The following KIF13B variants were observed in gnomAD, a reference collection of about 807,000 sequenced individuals.
KIF13B encodes the protein kinesin-like protein KIF13B.
KIF13B carries 127 observed loss-of-function variants against 222.0 expected under a neutral mutation model. The ratio of observed to expected loss-of-function variants is 0.57; its 90% confidence interval spans 0.50 to 0.66. The LOEUF (loss-of-function observed/expected upper bound fraction) is 0.66, where lower values mean the gene tolerates loss of function less well. Among genes scored for constraint, KIF13B ranks in the 30% least tolerant of loss-of-function variants. The pLI, the probability that KIF13B is intolerant of heterozygous loss-of-function variation, is 0.00. For missense variants in KIF13B, 2,173 were observed against 2,379.0 expected (o/e 0.91, Z 1.80); for synonymous variants, 976 against 919.0 (o/e 1.06, Z -1.12).
chr8:29,205,975 T>C (rs924429463), intron 2 of KIF13B, among the ~76,000 whole-genome samples: 19 of 151,420 alleles, frequency 1.3e-4, no homozygotes, highest in Non-Finnish European at 2.8e-4. Flanking sequence ...CTTGTGGTCC[T>C]CAATACTTGG....
Position 29,108,189 on chromosome 8 carries a change from A to C in KIF13B, c.4165T>G (p.Ser1389Ala). Residue 1389 changes from serine (S) to alanine (A), a missense_variant, in exon 35 of 40, where the codon TCT becomes GCT. By Grantham distance (99) the Ser-to-Ala change is moderately conservative. Around this residue, in one of 2 missense-constraint regions of KIF13B, gnomAD observed 693 missense variants for 656.2 expected, o/e 1.06. Transcript: ENST00000524189. Reference protein sequence around the residue: ...SISSPNVNRLSGSRQDLIPSY... With the variant: ...SISSPNVNRLAGSRQDLIPSY... ...GGAATGAGATCTTGTCGGCTTCCAG[A>C]CAACTGAAGAAGAAAGAAAGGGGGG... 1 of 1,612,142 alleles carries C rather than the reference A, an allele frequency of 6.2e-7. No homozygotes were observed. The highest frequency in any genetic ancestry group is 8.5e-7 in the Non-Finnish European group (1 of 1,179,110).
At chr8:29,079,805 C>A (rs1204483983) in intron 37 of KIF13B, among the ~76,000 whole-genome samples, 1 of 152,138 alleles carries the variant, frequency 6.6e-6, no homozygotes, top group Non-Finnish European at 1.5e-5. Context: ...CTAATACAAT[C>A]CTCTAAGTCT....
At chr8:29,118,776 A>T in intron 30 of KIF13B, 92 bp downstream of exon 30, 1 of 1,287,966 alleles carries the variant, frequency 7.8e-7, no homozygotes, top group Non-Finnish European at 1.1e-6. Context: ...AATGTAAAGT[A>T]CTGGCATGAT....
At chr8:29,144,533 C>T (rs770327003) in intron 18 of KIF13B, among the ~76,000 whole-genome samples, 2 of 152,168 alleles carry the variant, frequency 1.3e-5, no homozygotes, top group Non-Finnish European at 2.9e-5. Context: ...GCTGGGATTA[C>T]AGGCATGAGC....
intron 1 of KIF13B, among the ~76,000 whole-genome samples, chr8:29,261,925 T>C (rs1299374006): frequency 6.6e-6 from 1 of 152,178 alleles, no homozygotes; most frequent in African/African-American, 2.4e-5. Flanking sequence ...GAAAACAACC[T>C]ATAATTTCTA....
Position 29,140,693 on chromosome 8 carries a change from G to C in KIF13B, c.2335-76C>G, listed in dbSNP as rs1395905437. On this transcript the variant is annotated intron_variant, in intron 19 of 39. Transcript: ENST00000524189. Reference sequence around the variant, plus strand: ...TGCATTCAACCTACTGCTTTTTGATGCACTCTAGGTTATTAAACTTAACTT... The same window carrying C: ...TGCATTCAACCTACTGCTTTTTGATCCACTCTAGGTTATTAAACTTAACTT... 15 of 1,283,568 alleles carry C rather than the reference G, an allele frequency of 1.2e-5. No individual in the cohort carries two copies. The East Asian group carries it at 1.9e-4, about 16-fold the overall frequency. The allele number at this position is 1,283,568 out of a possible 1,614,324, so 79.5% of individuals were successfully genotyped here. A position where few individuals can be genotyped will look rare whatever the true frequency, so the allele number is the denominator to read the frequency against.
intron 2 of KIF13B, among the ~76,000 whole-genome samples, chr8:29,207,285 C>T (rs1481684634): frequency 6.6e-6 from 1 of 152,188 alleles, no homozygotes; most frequent in Non-Finnish European, 1.5e-5. Context: ...GTGCCTTTCC[C>T]ATTGTTTGCC....
chr8:29,196,790 CT>C (rs1813440789), intron 2 of KIF13B, among the ~76,000 whole-genome samples: 1 of 152,162 alleles, frequency 6.6e-6, no homozygotes, highest in Admixed American at 6.5e-5. Context: ...TTGCATTATG[CT>C]TAACAGTTGC....
At position 29,146,304 on chromosome 8, in the gene KIF13B, TAAATAACACCAGG is replaced by T. The variant is rs778459975; in HGVS notation, c.2187+61_2187+73del. On this transcript the variant is annotated intron_variant, in intron 18 of 39. Coordinates refer to ENST00000524189, the MANE Select transcript of KIF13B (RefSeq NM_015254.4). ...CAGGCACAGACAGGGATCTGAAGCT[TAAATAACACCAGG>T]AAATATCAGGCGATCTTATCCAATG... 3 of 1,506,858 alleles carry T rather than the reference TAAATAACACCAGG, an allele frequency of 2.0e-6. No homozygotes were observed. The Admixed American group carries it at 5.0e-5, about 25-fold the overall frequency. 93.3% of individuals were successfully genotyped at this position (1,506,858 alleles called of 1,614,324 possible).
intron 4 of KIF13B, 56 bp from the exon 5 acceptor site, chr8:29,188,663 A>G: frequency 9.0e-7 from 1 of 1,117,050 alleles, no homozygotes; most frequent in African/African-American, 1.6e-5. Flanking sequence ...CATATGAACA[A>G]TTCACAAAAC....
intron 35 of KIF13B, among the ~76,000 whole-genome samples, chr8:29,102,702 C>T (rs9987365): frequency 0.4 from 60,216 of 152,074 alleles, 13,118 homozygotes; most frequent in Non-Finnish European, 0.5. Flanking sequence ...GGTCCAATGG[C>T]AGCTTTCACT....
At chr8:29,143,309 G>A (rs1025611651) in intron 18 of KIF13B, among the ~76,000 whole-genome samples, 5 of 152,190 alleles carry the variant, frequency 3.3e-5, no homozygotes, top group African/African-American at 7.2e-5. Context: ...GGGAAGAAAC[G>A]TCCCTCTCAG....
chr8:29,117,883 C>T (rs990078853), intron 30 of KIF13B, among the ~76,000 whole-genome samples: 7 of 152,178 alleles, frequency 4.6e-5, no homozygotes, highest in African/African-American at 1.2e-4. Context: ...CCTGGCCAGG[C>T]GCGGTGGCTC....
chr8:29,258,850 T>C (rs1009562995), intron 1 of KIF13B, among the ~76,000 whole-genome samples: 31 of 152,332 alleles, frequency 2.0e-4, no homozygotes, highest in African/African-American at 7.0e-4. Context: ...TAATCTAATC[T>C]TTTCACAGGC....
At chr8:29,157,392 C>CAAAAAAA (rs371702237) in intron 13 of KIF13B, among the ~76,000 whole-genome samples, 1 of 89,186 alleles carries the variant, frequency 1.1e-5, no homozygotes, top group African/African-American at 4.4e-5. Context: ...TCGTCTCTAC[C>CAAAAAAA]AAAAAAAAAA....
At chr8:29,227,653 G>A (rs1175464813) in intron 2 of KIF13B, among the ~76,000 whole-genome samples, 1 of 152,142 alleles carries the variant, frequency 6.6e-6, no homozygotes, top group African/African-American at 2.4e-5. Context: ...AAAAGGTTGC[G>A]AATTTCTGCT....
chr8:29,214,154 T>A (rs1814369040), intron 2 of KIF13B, among the ~76,000 whole-genome samples: 1 of 152,214 alleles, frequency 6.6e-6, no homozygotes, highest in Non-Finnish European at 1.5e-5. Context: ...GTAGACTTCA[T>A]TAACACTGTG....
At chr8:29,200,702 A>C (rs541996822) in intron 2 of KIF13B, among the ~76,000 whole-genome samples, 2 of 152,280 alleles carry the variant, frequency 1.3e-5, no homozygotes, top group South Asian at 4.1e-4. Flanking sequence ...TTTTGGTCCA[A>C]GACCTTGTGT....
Position 29,251,011 on chromosome 8 carries a change from C to A in KIF13B, c.56-5572G>T, listed in dbSNP as rs150557127. ...ACAAAAAATACAAAAATTAGCCGGG[C>A]GTGGAGGTGGGAGCCTGTAATCCCA... On this transcript the variant is annotated intron_variant, in intron 1 of 39. Transcript: ENST00000524189. Among the ~76,000 whole-genome samples the A allele has an allele frequency of 6.4e-3, 977 of 151,988 alleles. 13 individuals are homozygous for A. The highest frequency in any genetic ancestry group is 0.023 in the African/African-American group (943 of 41,446).
Sources: gnomAD v4.1 joint callset for allele counts (sites outside exome capture counted in the v4.1 genomes callset) on GRCh38, gnomAD v4.1.1 for gene constraint, gnomAD v4.1.1 regional missense constraint, MANE v1.5 for transcripts, NCBI Gene and HGNC (gene_info 2026-07-23, HGNC 2026-07-21) for gene names.